The following CADPS2 variants were observed in gnomAD, a reference collection of about 807,000 sequenced individuals.
The protein encoded by CADPS2 is calcium dependent secretion activator 2, also known as calcium-dependent secretion activator 2.
Under a neutral mutation model 172.5 loss-of-function variants are expected in CADPS2, and 93 were observed. That is an observed-to-expected ratio of 0.54 (90% CI 0.46 to 0.64). The LOEUF (loss-of-function observed/expected upper bound fraction) is 0.64, where lower values mean the gene tolerates loss of function less well. Among genes scored for constraint, CADPS2 ranks in the 30% least tolerant of loss-of-function variants. The pLI is 0.00. For missense variants in CADPS2, 1,420 were observed against 1,565.9 expected, an observed-to-expected ratio of 0.91 and a Z score of 1.57; for synonymous variants, 546 against 555.2, an observed-to-expected ratio of 0.98 and a Z score of 0.23.
chr7:122,586,748 C>A (rs1038000185), intron 6 of CADPS2, among the ~76,000 whole-genome samples: 1 of 151,826 alleles, frequency 6.6e-6, no homozygotes, highest in Non-Finnish European at 1.5e-5. Flanking sequence ...TAGAAAAAAA[C>A]ACACATTCCT....
At chr7:122,479,917 A>C (rs950232538) in intron 12 of CADPS2, among the ~76,000 whole-genome samples, 2 of 152,196 alleles carry the variant, frequency 1.3e-5, no homozygotes, top group Non-Finnish European at 2.9e-5. Context: ...TTTTGATATT[A>C]ATTTATTATT....
intron 1 of CADPS2, among the ~76,000 whole-genome samples, chr7:122,799,475 C>T (rs1345213101): frequency 4.0e-5 from 6 of 151,568 alleles, no homozygotes; most frequent in East Asian, 3.9e-4. Flanking sequence ...TGGTGGTGGG[C>T]GCCTGTAGTC....
chr7:122,797,380 A>G (rs1037815733), intron 1 of CADPS2, among the ~76,000 whole-genome samples: 1 of 152,214 alleles, frequency 6.6e-6, no homozygotes, highest in African/African-American at 2.4e-5. Context: ...TCATTCTATT[A>G]AAGACACACA....
Position 122,372,676 on chromosome 7 carries a change from T to C in CADPS2, c.3387+6692A>G, listed in dbSNP as rs113363433. Reference sequence around the variant, plus strand: ...CTGGGATACGAGAAATTCACTGTTATTTTCATCTACTTTATGTTGAGTTAA... The same window carrying C: ...CTGGGATACGAGAAATTCACTGTTACTTTCATCTACTTTATGTTGAGTTAA... On this transcript the variant is annotated intron_variant, in intron 25 of 29. Transcript: ENST00000449022. Among the ~76,000 whole-genome samples the C allele has an allele frequency of 3.8e-3, 577 of 152,342 alleles. 4 individuals carry two copies. Among genetic ancestry groups the C allele is most frequent in the African/African-American group, 0.013 (538 of 41,570 alleles).
intron 25 of CADPS2, among the ~76,000 whole-genome samples, chr7:122,376,560 T>C (rs2042381065): frequency 6.6e-6 from 1 of 152,102 alleles, no homozygotes; most frequent in African/African-American, 2.4e-5. Context: ...TGTTGGTTTC[T>C]CAGGGACTGA....
chr7:122,885,940 T>G, intron 1 of CADPS2, 59 bp downstream of exon 1: 1 of 1,553,912 alleles, frequency 6.4e-7, no homozygotes, highest in Non-Finnish European at 8.7e-7. Context: ...CCCAGAGCTC[T>G]CCCGGGAGAA....
chr7:122,726,615 C>T (rs79456163), intron 2 of CADPS2, among the ~76,000 whole-genome samples: 4,325 of 151,936 alleles, frequency 0.028, 90 homozygotes, highest in Non-Finnish European at 0.04. Context: ...AAACGACATG[C>T]ACGAAACTGA....
At chr7:122,426,632 T>C (rs112846533) in intron 17 of CADPS2, among the ~76,000 whole-genome samples, 2 of 152,322 alleles carry the variant, frequency 1.3e-5, no homozygotes, top group African/African-American at 4.8e-5. Context: ...CCTGTCAGTT[T>C]TCATCACTCT....
chr7:122,350,726 C>T (rs1185676851), intron 27 of CADPS2, among the ~76,000 whole-genome samples: 2 of 152,098 alleles, frequency 1.3e-5, no homozygotes, highest in Non-Finnish European at 2.9e-5. Flanking sequence ...TGACTTATGT[C>T]TATATTCCCA....
chr7:122,721,491 A>G (rs934089290), intron 2 of CADPS2, among the ~76,000 whole-genome samples: 10 of 152,174 alleles, frequency 6.6e-5, no homozygotes, highest in Non-Finnish European at 1.0e-4. Flanking sequence ...TAAAGCAGGA[A>G]GAAGTTGAAT....
At chr7:122,512,411 A>C (rs1269062453) in intron 9 of CADPS2, among the ~76,000 whole-genome samples, 1 of 152,156 alleles carries the variant, frequency 6.6e-6, no homozygotes, top group Non-Finnish European at 1.5e-5. Context: ...GGAACAAAAT[A>C]GCTTGGATTT....
intron 8 of CADPS2, among the ~76,000 whole-genome samples, chr7:122,535,642 C>CTG (rs2062188995): frequency 6.6e-6 from 1 of 151,988 alleles, no homozygotes; most frequent in Non-Finnish European, 1.5e-5. Context: ...CCTGTAAGAA[C>CTG]TAGTAGAGAA....
At chr7:122,340,517 T>C (rs1032542115) in intron 28 of CADPS2, among the ~76,000 whole-genome samples, 2 of 152,174 alleles carry the variant, frequency 1.3e-5, no homozygotes, top group Non-Finnish European at 2.9e-5. Flanking sequence ...TTCTTGGACC[T>C]TAGAAAATGA....
chr7:122,525,968 ATCAG>A (rs1245477912), intron 8 of CADPS2, among the ~76,000 whole-genome samples: 15 of 152,160 alleles, frequency 9.9e-5, no homozygotes, highest in African/African-American at 3.6e-4. Context: ...CATATATGCC[ATCAG>A]TCATTGACAA....
intron 1 of CADPS2, among the ~76,000 whole-genome samples, chr7:122,870,015 A>G (rs982549788): frequency 6.6e-6 from 1 of 152,056 alleles, no homozygotes; most frequent in African/African-American, 2.4e-5. Flanking sequence ...ACCACAAAGG[A>G]ACACAGCAAA....
At chr7:122,732,825 T>TA (rs1425980468) in intron 2 of CADPS2, among the ~76,000 whole-genome samples, 4 of 141,982 alleles carry the variant, frequency 2.8e-5, no homozygotes, top group African/African-American at 1.0e-4. Flanking sequence ...ATGTATATTA[T>TA]ATATAATATA....
chr7:122,683,762 G>A (rs2083325398), intron 2 of CADPS2, among the ~76,000 whole-genome samples: 1 of 151,108 alleles, frequency 6.6e-6, no homozygotes, highest in African/African-American at 2.4e-5. Context: ...AAAACAAACA[G>A]ATTCCCAGTT....
chr7:122,648,230 G>A (rs1013161745), intron 3 of CADPS2, among the ~76,000 whole-genome samples: 29 of 151,904 alleles, frequency 1.9e-4, no homozygotes, highest in Non-Finnish European at 2.9e-5. Flanking sequence ...AAATCCTTGT[G>A]TCCACAGAAC....
At chr7:122,839,510 A>C (rs1442605773) in intron 1 of CADPS2, among the ~76,000 whole-genome samples, 3 of 152,230 alleles carry the variant, frequency 2.0e-5, no homozygotes, top group Non-Finnish European at 4.4e-5. Context: ...GAATGGGAGA[A>C]CATTTTTGCA....
Sources: allele counts gnomAD v4.1 joint callset (sites outside exome capture counted in the v4.1 genomes callset), GRCh38; gene constraint gnomAD v4.1.1; transcripts MANE v1.5; gene names NCBI Gene and HGNC (gene_info 2026-07-23, HGNC 2026-07-21).